CHRM2: variants seen among roughly 807,000 people sequenced by gnomAD.
The protein encoded by CHRM2 is muscarinic acetylcholine receptor M2.
In CHRM2, 8 loss-of-function variants were observed where a neutral mutation model predicts 25.0. The ratio of observed to expected loss-of-function variants is 0.32; its 90% CI spans 0.19 to 0.58. The LOEUF (loss-of-function observed/expected upper bound fraction) is 0.58. Ranked by LOEUF, CHRM2 falls within the 20% of genes least tolerant of loss-of-function variation. CHRM2 has a pLI of 0.88. For synonymous variants in CHRM2, 202 were observed against 205.7 expected (o/e 0.98, Z 0.15); for missense variants, 440 against 567.1 (o/e 0.78, Z 2.28).
intron 2 of CHRM2, among the ~76,000 whole-genome samples, chr7:136,949,925 A>G (rs944097448): frequency 3.3e-5 from 5 of 152,086 alleles, no homozygotes; most frequent in Non-Finnish European, 5.9e-5. Flanking sequence ...ATTCACCTTC[A>G]TGAGATAAGA....
chr7:136,999,978 A>C (rs1329656411), intron 3 of CHRM2, among the ~76,000 whole-genome samples: 1 of 151,832 alleles, frequency 6.6e-6, no homozygotes, highest in Non-Finnish European at 1.5e-5. Context: ...ACCTGAGCTT[A>C]AGAAATCCAT....
At position 136,869,195 on chromosome 7, in the gene CHRM2, C is replaced by T. The variant is rs1795713456; in HGVS notation, c.-282-66C>T. On this transcript the variant is annotated intron_variant, in intron 1 of 3. Coordinates refer to ENST00000680005, the MANE Select transcript of CHRM2 (RefSeq NM_001006630.2). This position sits in a 1 kb window ranked among gnomAD's most constrained non-coding sequence, Gnocchi z 4.9. ...TGGGGTCGGTTCTCTCCCGCCTCTC[C>T]CGCCTCTCCCGCCCCACCCCTACAG... 6.6e-6 allele frequency: 1 copy of T among 152,346 alleles called. No homozygotes were observed. The highest frequency in any genetic ancestry group is 1.5e-5 in the Non-Finnish European group (1 of 68,176). 9.4% of individuals were successfully genotyped at this position (152,346 alleles called of 1,614,324 possible).
intron 2 of CHRM2, among the ~76,000 whole-genome samples, chr7:136,985,362 T>C (rs1334960933): frequency 3.3e-5 from 5 of 151,840 alleles, no homozygotes; most frequent in Admixed American, 2.0e-4. Context: ...ATACAAAAAT[T>C]AGCTGGGTGT....
At chr7:136,916,065 A>C (rs1393586544) in intron 2 of CHRM2, among the ~76,000 whole-genome samples, 1 of 151,824 alleles carries the variant, frequency 6.6e-6, no homozygotes, top group Admixed American at 6.6e-5. Flanking sequence ...GGCCCCATTC[A>C]CAGGAACCAT....
intron 3 of CHRM2, among the ~76,000 whole-genome samples, chr7:137,013,792 A>G (rs1300997146): frequency 1.3e-5 from 2 of 152,038 alleles, no homozygotes; most frequent in Non-Finnish European, 2.9e-5. Flanking sequence ...GCCACCAGGC[A>G]GAGACCTTGT....
intron 2 of CHRM2, among the ~76,000 whole-genome samples, chr7:136,908,830 G>C (rs1797690252): frequency 1.3e-5 from 2 of 151,920 alleles, no homozygotes; most frequent in South Asian, 4.1e-4. Flanking sequence ...GAAGGAAAGA[G>C]ATGAAATAAG....
chr7:136,961,472 G>A (rs952274062), intron 2 of CHRM2, among the ~76,000 whole-genome samples: 25 of 152,090 alleles, frequency 1.6e-4, no homozygotes, highest in Non-Finnish European at 2.9e-4. Flanking sequence ...TTTAAATGAG[G>A]CATACTCAAC....
intron 3 of CHRM2, among the ~76,000 whole-genome samples, chr7:137,005,123 T>C (rs11505751): frequency 0.02 from 2,983 of 152,204 alleles, 96 homozygotes; most frequent in African/African-American, 0.067. Context: ...CTGTACCCTA[T>C]ACCTACATTC....
intron 3 of CHRM2, among the ~76,000 whole-genome samples, chr7:136,998,694 A>C (rs1022780631): frequency 6.6e-6 from 1 of 152,186 alleles, no homozygotes; most frequent in African/African-American, 2.4e-5. Context: ...ATTTCTGTTT[A>C]AAAACAAACA....
intron 2 of CHRM2, among the ~76,000 whole-genome samples, chr7:136,974,058 G>A (rs1274755808): frequency 1.3e-5 from 2 of 152,046 alleles, no homozygotes; most frequent in African/African-American, 4.8e-5. Flanking sequence ...TATTTTTTGT[G>A]TATTTCTTGT....
At chr7:136,970,729 C>T (rs1801708776) in intron 2 of CHRM2, among the ~76,000 whole-genome samples, 3 of 152,062 alleles carry the variant, frequency 2.0e-5, no homozygotes. Context: ...ATTTACTCTT[C>T]CTAAAACTTA....
At chr7:136,938,300 T>C in intron 2 of CHRM2, 1 of 1,157,544 alleles carries the variant, frequency 8.6e-7, no homozygotes, top group Non-Finnish European at 1.3e-6. Context: ...AGGTTGTTGA[T>C]GTAGCTCTCG....
In CHRM2 at chr7:136,949,459, T is replaced by TAAAAAAAAAAAAAAAA. The variant is rs386411435; in HGVS notation, c.-124-42724_-124-42709dup. Among the ~76,000 whole-genome samples, 83 of 120,818 alleles carry TAAAAAAAAAAAAAAAA rather than the reference T, an allele frequency of 6.9e-4. 3 individuals carry two copies. The highest frequency in any genetic ancestry group is 2.5e-3 in the African/African-American group (77 of 30,292). 79.3% of individuals were successfully genotyped at this position (120,818 alleles called of 152,430 possible). On this transcript the variant is annotated intron_variant, in intron 2 of 3. Transcript: ENST00000680005. ...TAACAAGACCCTGTCTCTGCAAAACTAAAAAAAAAAAAAAAAAAATCAGCC... is the reference window on the plus strand; with the variant it reads ...TAACAAGACCCTGTCTCTGCAAAACTAAAAAAAAAAAAAAAAAAAAAAAAAAAAAAAAAAATCAGCC...
chr7:136,976,858 C>T (rs927277958), intron 2 of CHRM2, among the ~76,000 whole-genome samples: 5 of 152,142 alleles, frequency 3.3e-5, no homozygotes, highest in Non-Finnish European at 5.9e-5. Context: ...ACAATGTCCC[C>T]GGTGCTCTAA....
intron 2 of CHRM2, among the ~76,000 whole-genome samples, chr7:136,954,481 C>T (rs1179422792): frequency 6.6e-6 from 1 of 152,152 alleles, no homozygotes; most frequent in Non-Finnish European, 1.5e-5. Context: ...TGTAGATTAT[C>T]TTCTAAACTT....
chr7:136,955,962 C>A (rs758420102), intron 2 of CHRM2, among the ~76,000 whole-genome samples: 16 of 152,012 alleles, frequency 1.1e-4, no homozygotes, highest in African/African-American at 3.6e-4. Flanking sequence ...TTTTATTCTA[C>A]TTGAATAAAT....
chr7:136,949,880 C>T (rs17168824), intron 2 of CHRM2, among the ~76,000 whole-genome samples: 1,536 of 152,056 alleles, frequency 0.01, 27 homozygotes, highest in African/African-American at 0.035. Flanking sequence ...CATAAGCCTG[C>T]GCTCTAAGGA....
At chr7:136,988,298 G>C (rs1802990930) in intron 2 of CHRM2, among the ~76,000 whole-genome samples, 1 of 151,854 alleles carries the variant, frequency 6.6e-6, no homozygotes, top group Non-Finnish European at 1.5e-5. Context: ...AGTGGGAAGA[G>C]GAGGTGAGGG....
chr7:136,892,232 A>G (rs1400287237), intron 2 of CHRM2, among the ~76,000 whole-genome samples: 2 of 152,196 alleles, frequency 1.3e-5, no homozygotes, highest in African/African-American at 4.8e-5. Context: ...CCTTTAATTT[A>G]TTTAACATCA....
Sources: gnomAD v4.1 joint callset for allele counts (sites outside exome capture counted in the v4.1 genomes callset) on GRCh38, gnomAD v4.1.1 for gene constraint, Gnocchi (gnomAD v3.1) non-coding constraint, MANE v1.5 for transcripts, NCBI Gene and HGNC (gene_info 2026-07-23, HGNC 2026-07-21) for gene names.